Variants in RB1 observed in about 807,000 individuals in gnomAD.
RB1 encodes the protein RB transcriptional corepressor 1.
In RB1, 18 loss-of-function variants were observed where a neutral mutation model predicts 135.4. That is an observed-to-expected ratio of 0.13 (90% CI 0.09 to 0.20). RB1 has a LOEUF of 0.20. Ranked by LOEUF, RB1 falls within the 10% of genes least tolerant of loss-of-function variation. The pLI is 1.00. For missense variants in RB1, 868 were observed against 1,110.0 expected, an observed-to-expected ratio of 0.78 and a Z score of 3.10; for synonymous variants, 365 against 373.2, an observed-to-expected ratio of 0.98 and a Z score of 0.25.
At chr13:48,434,341 G>C (rs1949160689) in intron 17 of RB1, among the ~76,000 whole-genome samples, 1 of 151,832 alleles carries the variant, frequency 6.6e-6, no homozygotes, top group Non-Finnish European at 1.5e-5. Context: ...ATTCAGTCTT[G>C]ATAATAAAAA....
At chr13:48,306,907 G>A (rs543346577) in intron 1 of RB1, among the ~76,000 whole-genome samples, 410 of 152,268 alleles carry the variant, frequency 2.7e-3, no homozygotes, top group Non-Finnish European at 5.0e-3. Context: ...AGTCACTGGC[G>A]TTGAATTGTA....
chr13:48,390,824 CTTTA>C (rs1948605409), intron 17 of RB1, among the ~76,000 whole-genome samples: 2 of 152,166 alleles, frequency 1.3e-5, no homozygotes, highest in Admixed American at 1.3e-4. Context: ...TTTCCCCATT[CTTTA>C]TTTAACTTAT....
intron 1 of RB1, among the ~76,000 whole-genome samples, 155 bp downstream of exon 1, chr13:48,304,204 T>G (rs1486548637): frequency 6.6e-6 from 1 of 151,940 alleles, no homozygotes; most frequent in East Asian, 1.9e-4. Context: ...CGGCGGAGCG[T>G]CTGCAGAATG....
intron 2 of RB1, among the ~76,000 whole-genome samples, chr13:48,312,831 C>A (rs189667152): frequency 4.0e-4 from 61 of 152,274 alleles, no homozygotes; most frequent in African/African-American, 1.5e-3. Context: ...CTAGTCTCTT[C>A]TTTTCTCCAT....
rs1593544633 is a variant in RB1, at chr13:48,473,355, G to A, written c.2490-5G>A. On this transcript the variant is annotated splice_region_variant and splice_polypyrimidine_tract_variant and intron_variant, in intron 23 of 26. Coordinates refer to ENST00000267163, the MANE Select transcript of RB1 (RefSeq NM_000321.3). ...ACTAATTGGTATTTCATCTTAACTT[G>A]ACAGAATCTTAGTATCAATTGGTGA... 1 of 1,574,212 alleles carries A rather than the reference G, an allele frequency of 6.4e-7. No homozygotes were observed. The highest frequency in any genetic ancestry group is 1.4e-5 in the African/African-American group (1 of 74,016).
chr13:48,316,942 CG>C, intron 2 of RB1: 1 of 365,114 alleles, frequency 2.7e-6, no homozygotes, highest in Non-Finnish European at 5.3e-6. Context: ...AAGGCGTGCC[CG>C]CCCAAGGTGC....
At chr13:48,388,457 CCT>C (rs1437362749) in intron 17 of RB1, among the ~76,000 whole-genome samples, 1 of 152,094 alleles carries the variant, frequency 6.6e-6, no homozygotes, top group Non-Finnish European at 1.5e-5. Context: ...AAAATGCCAC[CCT>C]TTTTTGACAG....
chr13:48,479,874 A>G (rs1214759610), intron 26 of RB1, 124 bp from the exon 27 acceptor site: 2 of 730,432 alleles, frequency 2.7e-6, no homozygotes, highest in Non-Finnish European at 5.0e-6. Flanking sequence ...ACTAGAATGA[A>G]GACCACTGCT....
In RB1 at chr13:48,480,641, A is replaced by G. The variant is rs560967910; in HGVS notation, c.*570A>G. ...AATTTTACACATTAGATTTTATTTTACTATTGGAATCTGATATACTGTGTG... is the reference window on the plus strand; with the variant it reads ...AATTTTACACATTAGATTTTATTTTGCTATTGGAATCTGATATACTGTGTG... On this transcript the variant is annotated 3_prime_UTR_variant, in exon 27 of 27. Coordinates refer to ENST00000267163, the MANE Select transcript of RB1 (RefSeq NM_000321.3). 1 of 225,786 alleles carries G rather than the reference A, an allele frequency of 4.4e-6. No individual in the cohort carries two copies. Among genetic ancestry groups the G allele is most frequent in the Non-Finnish European group, 8.8e-6 (1 of 113,500 alleles). 14.0% of individuals were successfully genotyped at this position (225,786 alleles called of 1,614,324 possible). A position where few individuals can be genotyped will look rare whatever the true frequency, so the allele number is the denominator to read the frequency against.
At chr13:48,394,514 C>T (rs907776418) in intron 17 of RB1, among the ~76,000 whole-genome samples, 4 of 152,200 alleles carry the variant, frequency 2.6e-5, no homozygotes, top group South Asian at 2.1e-4. Context: ...TTGAAATTCT[C>T]GCTGCCATCA....
At chr13:48,341,970 T>C (rs1236716415) in intron 2 of RB1, among the ~76,000 whole-genome samples, 3 of 152,008 alleles carry the variant, frequency 2.0e-5, no homozygotes, top group South Asian at 4.1e-4. Context: ...CTAAAGATAA[T>C]GAAAAAGTAC....
chr13:48,375,681 C>T (rs546048868), intron 12 of RB1, among the ~76,000 whole-genome samples: 3 of 151,862 alleles, frequency 2.0e-5, no homozygotes, highest in South Asian at 2.1e-4. Flanking sequence ...TGGGTTCAAG[C>T]GATTCTTGTG....
intron 4 of RB1, 23 bp from the exon 5 acceptor site, chr13:48,347,802 A>G: frequency 6.5e-7 from 1 of 1,544,792 alleles, no homozygotes; most frequent in East Asian, 2.3e-5. Context: ...AATGTTAAAA[A>G]GTCATAATGT....
At chr13:48,317,394 C>A in intron 2 of RB1, 1 of 386,864 alleles carries the variant, frequency 2.6e-6, no homozygotes, top group South Asian at 3.4e-5. Flanking sequence ...CGCACGGGTT[C>A]CGGTGGGTGA....
At chr13:48,348,908 A>G (rs750167776) in intron 5 of RB1, 48 bp from the exon 6 acceptor site, 2 of 1,578,652 alleles carry the variant, frequency 1.3e-6, no homozygotes, top group East Asian at 2.3e-5. Flanking sequence ...ACTTTCTTTC[A>G]GTGATACATT....
At chr13:48,419,625 T>C (rs1366697935) in intron 17 of RB1, among the ~76,000 whole-genome samples, 2 of 151,732 alleles carry the variant, frequency 1.3e-5, no homozygotes, top group Admixed American at 6.6e-5. Flanking sequence ...ATTAACAAAA[T>C]AGATAGACCA....
intron 21 of RB1, among the ~76,000 whole-genome samples, 197 bp from the exon 22 acceptor site, chr13:48,464,801 A>G (rs891931995): frequency 2.0e-5 from 3 of 152,110 alleles, no homozygotes; most frequent in African/African-American, 7.2e-5. Context: ...TCACTTCTAG[A>G]AGAGCAGCTA....
intron 2 of RB1, chr13:48,317,413 G>T: frequency 2.7e-6 from 1 of 367,892 alleles, no homozygotes; most frequent in South Asian, 3.6e-5. Flanking sequence ...GAAGTCGCTC[G>T]AGGGCAGGGT....
intron 11 of RB1, among the ~76,000 whole-genome samples, chr13:48,369,967 C>T (rs1381213144): frequency 6.6e-6 from 1 of 152,084 alleles, no homozygotes; most frequent in Admixed American, 6.6e-5. Context: ...TAATTAGGGC[C>T]TGTTATAAAA....
Sources: gnomAD v4.1 joint callset for allele counts (sites outside exome capture counted in the v4.1 genomes callset) on GRCh38, gnomAD v4.1.1 for gene constraint, MANE v1.5 for transcripts, NCBI Gene and HGNC (gene_info 2026-07-23, HGNC 2026-07-21) for gene names.